Variants in CTNNA3 observed in about 807,000 individuals in gnomAD.
CTNNA3 encodes the protein catenin alpha-3.
A neutral mutation model predicts 95.7 loss-of-function variants in CTNNA3; 76 were observed. That is an observed-to-expected ratio of 0.79 (90% CI 0.66 to 0.96). The LOEUF is 0.96. CTNNA3 is among the 40% of genes least tolerant of loss of function. The probability of loss-of-function intolerance (pLI) is 0.00; values close to 1 mark genes in which losing one functional copy is unlikely to be tolerated. For synonymous variants in CTNNA3, 431 were observed against 374.4 expected, an observed-to-expected ratio of 1.15 and a Z score of -1.74; for missense variants, 1,191 against 1,089.8, an observed-to-expected ratio of 1.09 and a Z score of -1.31.
At chr10:65,986,291 T>C (rs1589217803) in intron 16 of CTNNA3, among the ~76,000 whole-genome samples, 1 of 142,494 alleles carries the variant, frequency 7.0e-6, no homozygotes, top group East Asian at 2.1e-4. Context: ...AATAAAAATA[T>C]ATATACAAAA....
chr10:66,669,361 T>C (rs1469908083), intron 9 of CTNNA3, among the ~76,000 whole-genome samples: 2 of 151,948 alleles, frequency 1.3e-5, no homozygotes, highest in African/African-American at 4.8e-5. Context: ...CTGGCCAACA[T>C]GGTGAAACCC....
At chr10:66,655,032 G>C (rs1367789388) in intron 9 of CTNNA3, among the ~76,000 whole-genome samples, 2 of 152,024 alleles carry the variant, frequency 1.3e-5, no homozygotes, top group African/African-American at 4.8e-5. Flanking sequence ...GTACAACCCG[G>C]TGAGTGGAGT....
At chr10:66,788,673 T>C (rs1228540219) in intron 7 of CTNNA3, among the ~76,000 whole-genome samples, 1 of 151,946 alleles carries the variant, frequency 6.6e-6, no homozygotes, top group East Asian at 1.9e-4. Context: ...CTAGAAATCA[T>C]GGGACATAAA....
intron 9 of CTNNA3, among the ~76,000 whole-genome samples, chr10:66,687,746 C>CACAG (rs1186816022): frequency 6.6e-6 from 1 of 151,298 alleles, no homozygotes; most frequent in East Asian, 1.9e-4. Context: ...CACACACACA[C>CACAG]ACACATACCA....
At chr10:66,950,802 C>G (rs1292305980) in intron 7 of CTNNA3, among the ~76,000 whole-genome samples, 1 of 152,150 alleles carries the variant, frequency 6.6e-6, no homozygotes, top group African/African-American at 2.4e-5. Flanking sequence ...AAGGGCCACA[C>G]TGTGTGAGGG....
At position 66,178,901 on chromosome 10, in the gene CTNNA3, C is replaced by T. The variant is rs2085883202; in HGVS notation, c.1885-75652G>A. On this transcript the variant is annotated intron_variant, in intron 13 of 17. Coordinates refer to ENST00000433211, the MANE Select transcript of CTNNA3 (RefSeq NM_013266.4). The stretch of plus-strand genomic sequence containing the variant: ...TGGCTAAAATAAATAATAATGACAA[C>T]ACCCAATGTTAGTGATGACACAGAA... 3.9e-5 allele frequency among the ~76,000 whole-genome samples: 6 copies of T among 151,914 alleles called. No homozygotes were observed. The South Asian group carries it at 1.2e-3, about 31-fold the overall frequency.
intron 7 of CTNNA3, chr10:67,099,822 A>G (rs1046710823): frequency 6.6e-6 from 1 of 151,688 alleles, no homozygotes; most frequent in African/African-American, 2.4e-5. Flanking sequence ...TATGTTTTCC[A>G]TTTTCTAATT....
chr10:66,732,949 C>G (rs1318642653), intron 9 of CTNNA3, among the ~76,000 whole-genome samples: 2 of 152,060 alleles, frequency 1.3e-5, no homozygotes, highest in Admixed American at 1.3e-4. Flanking sequence ...GCACCAGCCA[C>G]CGCGCCCAGC....
chr10:67,362,044 C>T (rs1843006248), intron 5 of CTNNA3, among the ~76,000 whole-genome samples: 1 of 152,090 alleles, frequency 6.6e-6, no homozygotes, highest in African/African-American at 2.4e-5. Flanking sequence ...TTCCTGGAAA[C>T]ACACAACTTC....
intron 10 of CTNNA3, among the ~76,000 whole-genome samples, chr10:66,562,117 T>C (rs1031507353): frequency 2.0e-5 from 3 of 152,060 alleles, no homozygotes; most frequent in African/African-American, 7.2e-5. Flanking sequence ...CACACGTGCA[T>C]ACATATTAGC....
intron 1 of CTNNA3, among the ~76,000 whole-genome samples, chr10:67,694,079 A>T (rs1391244798): frequency 6.6e-6 from 1 of 152,210 alleles, no homozygotes; most frequent in Non-Finnish European, 1.5e-5. Flanking sequence ...TGTATCATAA[A>T]AGTCATATAA....
intron 12 of CTNNA3, among the ~76,000 whole-genome samples, chr10:66,329,407 T>G (rs2092297615): frequency 6.6e-6 from 1 of 151,896 alleles, no homozygotes; most frequent in Non-Finnish European, 1.5e-5. Context: ...GAAGCACCCT[T>G]ACAGTGTAAC....
At chr10:66,201,435 T>C (rs954575768) in intron 13 of CTNNA3, among the ~76,000 whole-genome samples, 2 of 152,218 alleles carry the variant, frequency 1.3e-5, no homozygotes, top group Non-Finnish European at 2.9e-5. Context: ...AGAGTTTCAT[T>C]AGCAATTGGT....
Position 67,726,536 on chromosome 10 carries a change from T to TTATATATTACATATTATATAATATAA in CTNNA3, c.-2+36872_-2+36897dup, listed in dbSNP as rs1329020821. Among the ~76,000 whole-genome samples the TTATATATTACATATTATATAATATAA allele has an allele frequency of 6.0e-3, 399 of 66,068 alleles. 6 individuals carry two copies. The highest frequency in any genetic ancestry group is 0.023 in the African/African-American group (328 of 14,450). 43.3% of individuals were successfully genotyped at this position (66,068 alleles called of 152,430 possible). A position where few individuals can be genotyped will look rare whatever the true frequency, so the allele number is the denominator to read the frequency against. ...ATATTATATTATATTATATATATTA[T>TTATATATTACATATTATATAATATAA]TATATATTACATATTATATAATATA... On this transcript the variant is annotated intron_variant, in intron 1 of 17. Coordinates refer to the CTNNA3 transcript ENST00000684154.
At chr10:66,257,665 C>G (rs2090843762) in intron 13 of CTNNA3, among the ~76,000 whole-genome samples, 2 of 152,196 alleles carry the variant, frequency 1.3e-5, no homozygotes, top group African/African-American at 2.4e-5. Flanking sequence ...TTCAGACTCC[C>G]TGATGCCTCT....
At chr10:66,671,018 C>T (rs1462982056) in intron 9 of CTNNA3, among the ~76,000 whole-genome samples, 2 of 152,126 alleles carry the variant, frequency 1.3e-5, no homozygotes, top group South Asian at 2.1e-4. Flanking sequence ...TGTTTTAAAA[C>T]AGGACTTGGA....
chr10:66,527,372 AT>A (rs1841305958), intron 10 of CTNNA3, among the ~76,000 whole-genome samples: 1 of 152,076 alleles, frequency 6.6e-6, no homozygotes, highest in Admixed American at 6.5e-5. Flanking sequence ...ATTTTTCAAG[AT>A]TATTTTGGCT....
chr10:65,984,110 CCTT>C (rs2078377470), intron 16 of CTNNA3, among the ~76,000 whole-genome samples: 1 of 151,052 alleles, frequency 6.6e-6, no homozygotes, highest in African/African-American at 2.4e-5. Flanking sequence ...TACTGTTTGA[CCTT>C]CTGACACACC....
chr10:67,201,139 A>G (rs545571440), intron 6 of CTNNA3, among the ~76,000 whole-genome samples: 1 of 152,162 alleles, frequency 6.6e-6, no homozygotes, highest in Admixed American at 6.5e-5. Context: ...GTGAGGAAAA[A>G]AATATTGTCA....
Sources: allele counts gnomAD v4.1 joint callset (sites outside exome capture counted in the v4.1 genomes callset), GRCh38; gene constraint gnomAD v4.1.1; transcripts MANE v1.5; gene names NCBI Gene and HGNC (gene_info 2026-07-23, HGNC 2026-07-21).